The following RBCK1 variants were observed in gnomAD, a reference collection of about 807,000 sequenced individuals.
RBCK1 encodes RANBP2-type and C3HC4-type zinc finger containing 1.
A neutral mutation model predicts 71.1 loss-of-function variants in RBCK1; 44 were observed. The ratio of observed to expected loss-of-function variants is 0.62; its 90% CI spans 0.49 to 0.80. The LOEUF (loss-of-function observed/expected upper bound fraction) is 0.80. Among genes scored for constraint, RBCK1 ranks in the 30% least tolerant of loss-of-function variants. The pLI, the probability that RBCK1 is intolerant of heterozygous loss-of-function variation, is 0.00. For missense variants in RBCK1, 569 were observed against 685.0 expected (o/e 0.83, Z 1.89); for synonymous variants, 306 against 279.7 (o/e 1.09, Z -0.94).
intron 8 of RBCK1, among the ~76,000 whole-genome samples, chr20:425,623 ATTCTTT>A (rs2016668749): frequency 7.7e-6 from 1 of 130,068 alleles, no homozygotes. Flanking sequence ...TGCATGGTGT[ATTCTTT>A]TTTTTTTTTT....
At chr20:414,338 G>A (rs1265513914) in intron 2 of RBCK1, among the ~76,000 whole-genome samples, 2 of 152,294 alleles carry the variant, frequency 1.3e-5, no homozygotes, top group South Asian at 4.1e-4. Context: ...TTAGACCCTG[G>A]GTGGTTGAGG....
Position 420,960 on chromosome 20 carries a change from C to T in RBCK1, c.846C>T (p.Cys282=). ...SLVLNTEPAE[C]PVCYSVLAPG... ...TGCTGAACACGGAGCCCGCCGAGTG[C>T]CCCGTGTGCTACTCGGTGCTGGCGC... The change falls in exon 7 of 12, where the codon TGC becomes TGT. Residue 282 remains cysteine, a synonymous_variant. Coordinates refer to ENST00000356286, the MANE Select transcript of RBCK1 (RefSeq NM_031229.4). 1 of 1,559,796 alleles carries T rather than the reference C, an allele frequency of 6.4e-7. No homozygotes were observed. Among genetic ancestry groups the T allele is most frequent in the Non-Finnish European group, 8.7e-7 (1 of 1,153,372 alleles).
intron 2 of RBCK1, among the ~76,000 whole-genome samples, chr20:412,286 C>T (rs2015754346): frequency 6.6e-6 from 1 of 151,658 alleles, no homozygotes; most frequent in African/African-American, 2.4e-5. Context: ...TGGAGGTTTG[C>T]CTATTCAGGT....
chr20:425,244 C>T (rs564681004), intron 8 of RBCK1, among the ~76,000 whole-genome samples: 1 of 152,324 alleles, frequency 6.6e-6, no homozygotes, highest in East Asian at 1.9e-4. Flanking sequence ...CTCCTGACCT[C>T]AGGTGATCCA....
intron 2 of RBCK1, among the ~76,000 whole-genome samples, chr20:411,699 A>G (rs1426346770): frequency 3.3e-5 from 5 of 152,164 alleles, no homozygotes; most frequent in Admixed American, 2.0e-4. Flanking sequence ...GTCTGTAGAG[A>G]TAAGGTCTTG....
In RBCK1 at chr20:430,407, C is replaced by G. The variant is rs1354021462; in HGVS notation, c.1510C>G (p.Pro504Ala). Reference protein sequence around the residue: ...RCRVNGIPCHPSCQNCH With the variant: ...RCRVNGIPCHASCQNCH ...CAGGGTAAATGGGATTCCTTGCCAC[C>G]CAAGCTGTCAGAACTGCCACTGAGC... Residue 504 changes from proline to alanine, a missense_variant, in exon 12 of 12, where the codon CCA becomes GCA. This residue lies in a region of RBCK1 where 211 missense variants were observed against 309.4 expected (regional missense o/e 0.68). Coordinates refer to ENST00000356286, the MANE Select transcript of RBCK1 (RefSeq NM_031229.4). The surrounding 1 kb of genome is among the most constrained non-coding windows in gnomAD (Gnocchi z 5.6). The G allele has an allele frequency of 1.2e-6, 2 of 1,613,208 alleles. No homozygotes were observed. Among genetic ancestry groups the G allele is most frequent in the Non-Finnish European group, 1.7e-6 (2 of 1,179,248 alleles).
Position 420,891 on chromosome 20 carries a change from G to A in RBCK1, c.777G>A (p.Glu259=). ...CCCAGCGGAAGCAGCAGCAGCAGGA[G>A]GGGAACTACCTGCAGCACGTCCAGC... ...QYQQRKQQQQ[E]GNYLQHVQLD... is the part of the protein sequence containing the mutation. The change falls in exon 7 of 12, where the codon GAG becomes GAA. Residue 259 remains glutamate (E), a synonymous_variant. Coordinates refer to ENST00000356286, the MANE Select transcript of RBCK1 (RefSeq NM_031229.4). 1 of 1,555,078 alleles carries A rather than the reference G, an allele frequency of 6.4e-7. No individual in the cohort carries two copies. Among genetic ancestry groups the A allele is most frequent in the South Asian group, 1.2e-5 (1 of 84,512 alleles).
Position 419,666 on chromosome 20 carries a change from C to T in RBCK1, c.691C>T (p.Gln231Ter). The T allele has an allele frequency of 2.5e-6, 4 of 1,582,446 alleles. No homozygotes were observed. The highest frequency in any genetic ancestry group is 3.4e-6 in the Non-Finnish European group (4 of 1,166,910). ...GGCCTACCAGGTCCCCGCCTCATAC[C>T]AGCCCGACGAGGAGGAGCGAGCGCG... ...PEAYQVPASYQPDEEERARLA... is the reference protein window; with the variant it reads ...PEAYQVPASY The change falls in exon 6 of 12, where the codon CAG becomes TAG. Residue 231 changes from glutamine (Q) to a stop codon, truncating the protein, a stop_gained. Coordinates refer to ENST00000356286, the MANE Select transcript of RBCK1 (RefSeq NM_031229.4). LOFTEE classifies it high-confidence loss of function.
Position 422,226 on chromosome 20 carries a change from G to C in RBCK1, c.1017G>C (p.Arg339Ser). Residue 339 changes from arginine to serine, a missense_variant, in exon 8 of 12, where the codon AGG (arginine) becomes AGC (serine). By Grantham distance (110) the Arg-to-Ser change is moderately radical. This residue lies in a region of RBCK1 where 211 missense variants were observed against 309.4 expected (regional missense o/e 0.68). Transcript: ENST00000356286. The surrounding 1 kb of genome is among the most constrained non-coding windows in gnomAD (Gnocchi z 5.0). Reference sequence around the variant, plus strand: ...CGTGCTCGGGCAAGCTGCTGGAGAGGGAGATCAAGGCGGTAAGGCCTCAGG... The same window carrying C: ...CGTGCTCGGGCAAGCTGCTGGAGAGCGAGATCAAGGCGGTAAGGCCTCAGG... Reference protein sequence around the residue: ...TYSCSGKLLEREIKALLTPED... With the variant: ...TYSCSGKLLESEIKALLTPED... The C allele has an allele frequency of 1.2e-5, 20 of 1,613,498 alleles. No homozygotes were observed. Among genetic ancestry groups the C allele is most frequent in the Non-Finnish European group, 1.6e-5 (19 of 1,179,898 alleles).
At chr20:415,178 C>T (rs6115898) in intron 2 of RBCK1, among the ~76,000 whole-genome samples, 66,012 of 151,898 alleles carry the variant, frequency 0.43, 14,717 homozygotes, top group Non-Finnish European at 0.48. Flanking sequence ...GAGTTCAAAA[C>T]CAGCCTGGGC....
At position 430,343 on chromosome 20, in the gene RBCK1, C is replaced by T. The variant is rs779179077; in HGVS notation, c.1453-7C>T. On this transcript the variant is annotated splice_polypyrimidine_tract_variant and splice_region_variant and intron_variant, in intron 11 of 11. Coordinates refer to ENST00000356286, the MANE Select transcript of RBCK1 (RefSeq NM_031229.4). The surrounding 1 kb of genome is among the most constrained non-coding windows in gnomAD (Gnocchi z 5.6). ...TGACATTCTCTTCTCTTCCTCCCAT[C>T]CTCTAGGGCCCAGGAGACACCAGCG... 6.2e-7 allele frequency: 1 copy of T among 1,602,156 alleles called. No homozygotes were observed. Among genetic ancestry groups the T allele is most frequent in the Admixed American group, 1.7e-5 (1 of 60,014 alleles).
At chr20:418,430 A>T (rs141268774) in intron 4 of RBCK1, among the ~76,000 whole-genome samples, 7 of 151,644 alleles carry the variant, frequency 4.6e-5, no homozygotes, top group Non-Finnish European at 7.4e-5. Context: ...GTGCAGTGGC[A>T]CAATCTCGGC....
chr20:419,171 C>T (rs2016207106), intron 4 of RBCK1, among the ~76,000 whole-genome samples, 176 bp from the exon 5 acceptor site: 1 of 152,154 alleles, frequency 6.6e-6, no homozygotes, highest in Non-Finnish European at 1.5e-5. Flanking sequence ...GGAATAGGGA[C>T]CCTGACCCTG....
At chr20:410,573 T>C (rs770571017) in intron 2 of RBCK1, 14 of 779,566 alleles carry the variant, frequency 1.8e-5, no homozygotes, top group Non-Finnish European at 3.3e-5. Context: ...TTCCCACAGC[T>C]ACAGTTCAGC....
Position 419,413 on chromosome 20 carries a change from G to A in RBCK1, c.527G>A (p.Gly176Glu). 1 of 1,610,600 alleles carries A rather than the reference G, an allele frequency of 6.2e-7. No homozygotes were observed. The highest frequency in any genetic ancestry group is 8.5e-7 in the Non-Finnish European group (1 of 1,178,822). Residue 176 changes from glycine to glutamate, a missense_variant, in exon 5 of 12, where the codon GGG becomes GAG. Gly to Glu is a moderately conservative substitution (Grantham distance 98). Around this residue, in one of 2 missense-constraint regions of RBCK1, gnomAD observed 358 missense variants for 375.6 expected, o/e 0.95. Transcript: ENST00000356286. The part of the protein sequence containing the change: ...GPLEPGPPKP[G>E]VPQEPGRGQP... ...CTGGAGCCAGGCCCCCCAAAGCCCGGGGTCCCCCAGGAACCCGGACGGGGG... is the reference window on the plus strand; with the variant it reads ...CTGGAGCCAGGCCCCCCAAAGCCCGAGGTCCCCCAGGAACCCGGACGGGGG...
chr20:409,443 T>C (rs867521450), intron 1 of RBCK1, among the ~76,000 whole-genome samples: 3 of 151,108 alleles, frequency 2.0e-5, no homozygotes, highest in Non-Finnish European at 2.9e-5. Flanking sequence ...TTTATTTCCC[T>C]GCCAGCAAGG....
Position 427,500 on chromosome 20 carries a change from C to G in RBCK1, c.1209+8C>G. The stretch of plus-strand genomic sequence containing the variant: ...AACTGCCTGCTCTGCAAGGTGGGGC[C>G]TGCAGGGACTCCCCCCACCTAGTCA... On this transcript the variant is annotated splice_region_variant and intron_variant, in intron 9 of 11. Coordinates refer to ENST00000356286, the MANE Select transcript of RBCK1 (RefSeq NM_031229.4). 1 of 1,612,110 alleles carries G rather than the reference C, an allele frequency of 6.2e-7. No homozygotes were observed.
chr20:420,349 T>C (rs770273534), intron 6 of RBCK1: 94 of 984,158 alleles, frequency 9.6e-5, no homozygotes, highest in Non-Finnish European at 1.1e-4. Context: ...CTCCCCATTC[T>C]GATCTCACCC....
At chr20:420,188 G>T (rs1047886659) in intron 6 of RBCK1, 2 of 984,920 alleles carry the variant, frequency 2.0e-6, no homozygotes, top group South Asian at 9.4e-5. Context: ...CTTCCCTCTC[G>T]GGCTGGGCCC....
Sources: allele counts gnomAD v4.1 joint callset (sites outside exome capture counted in the v4.1 genomes callset), GRCh38; gene constraint gnomAD v4.1.1; regional missense constraint gnomAD v4.1.1; non-coding constraint Gnocchi (gnomAD v3.1); transcripts MANE v1.5; gene names NCBI Gene and HGNC (gene_info 2026-07-23, HGNC 2026-07-21).